Variants in MAGI1 observed in about 807,000 individuals in gnomAD.
MAGI1 encodes the protein membrane-associated guanylate kinase, WW and PDZ domain-containing protein 1.
In MAGI1, 58 loss-of-function variants were observed where a neutral mutation model predicts 139.9. The ratio of observed to expected loss-of-function variants is 0.41; its 90% CI spans 0.34 to 0.52. MAGI1 has a LOEUF of 0.52. MAGI1 is among the 20% of genes least tolerant of loss of function. The probability of loss-of-function intolerance (pLI) is 0.12; values close to 1 mark genes in which losing one functional copy is unlikely to be tolerated. For missense variants in MAGI1, 1,874 were observed against 1,901.6 expected (o/e 0.99, Z 0.27); for synonymous variants, 812 against 737.9 (o/e 1.10, Z -1.63).
At position 65,395,919 on chromosome 3, in the gene MAGI1, C is replaced by T. The variant is rs114968577; in HGVS notation, c.2200-4561G>A. Among the ~76,000 whole-genome samples, 993 of 152,030 alleles carry T rather than the reference C, an allele frequency of 6.5e-3. 12 individuals carry two copies. Among genetic ancestry groups the T allele is most frequent in the African/African-American group, 0.023 (948 of 41,478 alleles). On this transcript the variant is annotated intron_variant, in intron 13 of 22. Transcript: ENST00000402939. ...GATTGGTGGGGAAGAGGAGTGAATG[C>T]GGAGAGGCCAGTCAGGAAGCCCCAG...
At chr3:65,966,920 G>A (rs2064775800) in intron 1 of MAGI1, among the ~76,000 whole-genome samples, 2 of 152,126 alleles carry the variant, frequency 1.3e-5, no homozygotes, top group African/African-American at 4.8e-5. Flanking sequence ...ATGGTTAATA[G>A]ACAGTAACCG....
intron 1 of MAGI1, among the ~76,000 whole-genome samples, chr3:65,716,181 G>A (rs1166014427): frequency 6.6e-6 from 1 of 152,180 alleles, no homozygotes; most frequent in Non-Finnish European, 1.5e-5. Context: ...CTGAGACACT[G>A]TATCAGATTC....
chr3:65,593,592 G>T (rs2082059556), intron 2 of MAGI1, among the ~76,000 whole-genome samples: 1 of 152,094 alleles, frequency 6.6e-6, no homozygotes, highest in Non-Finnish European at 1.5e-5. Context: ...TTTTCAAAAT[G>T]ATTTTTCAAG....
At position 65,520,156 on chromosome 3, in the gene MAGI1, C is replaced by T. The variant is rs981786268; in HGVS notation, c.431-26525G>A. On this transcript the variant is annotated intron_variant, in intron 2 of 22. Transcript: ENST00000402939. ...CTACTCTTCCTGAAACAGACACAAG[C>T]CATCCCGCTGAGCCCTAGTCAAATT... Among the ~76,000 whole-genome samples, 6 of 152,342 alleles carry T rather than the reference C, an allele frequency of 3.9e-5. No homozygotes were observed. The South Asian group carries it at 1.2e-3, about 32-fold the overall frequency.
At chr3:65,406,819 C>T (rs995986830) in intron 12 of MAGI1, among the ~76,000 whole-genome samples, 9 of 147,958 alleles carry the variant, frequency 6.1e-5, no homozygotes, top group African/African-American at 1.5e-4. Flanking sequence ...ATATATATAT[C>T]GAGGGGGAGA....
At chr3:65,566,614 G>A (rs1309921981) in intron 2 of MAGI1, among the ~76,000 whole-genome samples, 1 of 150,952 alleles carries the variant, frequency 6.6e-6, no homozygotes, top group Non-Finnish European at 1.5e-5. Context: ...CCGTGTTACT[G>A]GGTTTTTGTT....
chr3:65,835,826 C>T (rs1164822790), intron 1 of MAGI1, among the ~76,000 whole-genome samples: 1 of 152,190 alleles, frequency 6.6e-6, no homozygotes, highest in African/African-American at 2.4e-5. Context: ...TATATAGACT[C>T]TCCCGCCCTG....
intron 5 of MAGI1, among the ~76,000 whole-genome samples, chr3:65,461,239 G>A (rs1419653457): frequency 6.6e-6 from 1 of 151,778 alleles, no homozygotes; most frequent in Non-Finnish European, 1.5e-5. Context: ...TTTTTGCGAT[G>A]GAGTCTTGCT....
At chr3:65,475,115 A>T (rs1180996199) in intron 4 of MAGI1, among the ~76,000 whole-genome samples, 1 of 152,088 alleles carries the variant, frequency 6.6e-6, no homozygotes, top group African/African-American at 2.4e-5. Context: ...GAAAAAAAAA[A>T]GCCTAGAAAC....
rs947642621 is a variant in MAGI1, at chr3:65,418,184, G to A, written c.2167+11336C>T. Among the ~76,000 whole-genome samples the A allele has an allele frequency of 3.3e-5, 5 of 152,214 alleles. No individual in the cohort carries two copies. The East Asian group carries it at 5.8e-4, about 18-fold the overall frequency. On this transcript the variant is annotated intron_variant, in intron 12 of 22. Coordinates refer to ENST00000402939, the MANE Select transcript of MAGI1 (RefSeq NM_001033057.2). ...TCCAGCAGACTGTTGTCCATCCTCC[G>A]TACCCCACCATTCACCTATTATCCA...
intron 1 of MAGI1, chr3:65,874,757 T>C (rs1207642081): frequency 2.0e-5 from 3 of 152,266 alleles, no homozygotes; most frequent in African/African-American, 4.8e-5. Flanking sequence ...TTCCCAGGTA[T>C]GTACCCAAGA....
At chr3:65,535,630 T>C (rs6762547) in intron 2 of MAGI1, among the ~76,000 whole-genome samples, 1,986 of 152,358 alleles carry the variant, frequency 0.013, 46 homozygotes, top group African/African-American at 0.045. Flanking sequence ...CTTTCTCTTC[T>C]AATGGAATGA....
At chr3:65,626,303 C>T (rs891270056) in intron 1 of MAGI1, among the ~76,000 whole-genome samples, 1 of 152,092 alleles carries the variant, frequency 6.6e-6, no homozygotes, top group African/African-American at 2.4e-5. Flanking sequence ...AAACCAGGGA[C>T]ATATAGATTG....
intron 6 of MAGI1, 40 bp downstream of exon 6, chr3:65,453,218 C>A (rs780414830): frequency 5.7e-5 from 89 of 1,560,920 alleles, no homozygotes; most frequent in Non-Finnish European, 7.6e-5. Flanking sequence ...GTGAACAGTG[C>A]CCCCAATTCA....
intron 1 of MAGI1, among the ~76,000 whole-genome samples, chr3:65,810,915 A>G (rs1011134085): frequency 6.6e-6 from 1 of 152,210 alleles, no homozygotes; most frequent in Non-Finnish European, 1.5e-5. Context: ...CAGTACCTTC[A>G]TTACCTTGCA....
chr3:65,948,795 T>C (rs746549254), intron 1 of MAGI1, among the ~76,000 whole-genome samples: 3 of 152,214 alleles, frequency 2.0e-5, no homozygotes, highest in Non-Finnish European at 4.4e-5. Context: ...TAAAATCTGT[T>C]AGGATTTTAG....
intron 1 of MAGI1, among the ~76,000 whole-genome samples, chr3:65,868,060 T>C (rs1002463437): frequency 1.3e-5 from 2 of 152,170 alleles, no homozygotes; most frequent in African/African-American, 2.4e-5. Flanking sequence ...TTAGGGTCCA[T>C]ATGCTGTTCT....
At chr3:66,029,376 C>T (rs1359568804) in intron 1 of MAGI1, among the ~76,000 whole-genome samples, 1 of 152,164 alleles carries the variant, frequency 6.6e-6, no homozygotes, top group Non-Finnish European at 1.5e-5. Context: ...AAAGATTATC[C>T]TTATTGTAAG....
At chr3:65,634,653 T>G (rs1420810438) in intron 1 of MAGI1, among the ~76,000 whole-genome samples, 1 of 152,164 alleles carries the variant, frequency 6.6e-6, no homozygotes, top group East Asian at 1.9e-4. Context: ...TAACACATAG[T>G]AAGTGTGCAG....
Sources: allele counts gnomAD v4.1 joint callset (sites outside exome capture counted in the v4.1 genomes callset), GRCh38; gene constraint gnomAD v4.1.1; transcripts MANE v1.5; gene names NCBI Gene and HGNC (gene_info 2026-07-23, HGNC 2026-07-21).